TRAPPC8: variants seen among roughly 807,000 people sequenced by gnomAD.
The protein encoded by TRAPPC8 is trafficking protein particle complex subunit 8.
A neutral mutation model predicts 174.3 loss-of-function variants in TRAPPC8; 54 were observed. That is an observed-to-expected ratio of 0.31 (90% CI 0.25 to 0.39). The LOEUF is 0.39. Among genes scored for constraint, TRAPPC8 ranks in the 10% least tolerant of loss-of-function variants. The pLI, the probability that TRAPPC8 is intolerant of heterozygous loss-of-function variation, is 1.00. For missense variants in TRAPPC8, 1,531 were observed against 1,699.1 expected, an observed-to-expected ratio of 0.90 and a Z score of 1.74; for synonymous variants, 630 against 579.9, an observed-to-expected ratio of 1.09 and a Z score of -1.24.
chr18:31,864,851 T>G (rs955229314), intron 18 of TRAPPC8, 70 bp from the exon 19 acceptor site: 1 of 1,278,430 alleles, frequency 7.8e-7, no homozygotes, highest in Non-Finnish European at 1.1e-6. Flanking sequence ...AACTTGAATA[T>G]GTGAATATTG....
Position 31,908,881 on chromosome 18 carries a change from GTAT to G in TRAPPC8, c.992_994del (p.Asn331del). The G allele has an allele frequency of 6.2e-7, 1 of 1,613,758 alleles. No homozygotes were observed. The highest frequency in any genetic ancestry group is 1.3e-5 in the African/African-American group (1 of 74,998). ...TAAACATGCACCATGAATTATTCCA[GTAT>G]TTCCTTTCTTTGTTTCATGTAACGA... On this transcript the variant is annotated inframe_deletion, in exon 7 of 29. Transcript: ENST00000283351.
intron 16 of TRAPPC8, chr18:31,870,091 CAAA>C (rs35938138): frequency 1.8e-4 from 28 of 152,446 alleles, no homozygotes; most frequent in South Asian, 7.5e-4. Flanking sequence ...GACTCTGTCT[CAAA>C]AAAAAAAAAA....
At chr18:31,911,632 G>A (rs1036359320) in intron 5 of TRAPPC8, among the ~76,000 whole-genome samples, 26 of 150,832 alleles carry the variant, frequency 1.7e-4, no homozygotes, top group African/African-American at 2.4e-4. Flanking sequence ...CCAGCTACTC[G>A]GGAAGCTGAG....
At chr18:31,916,501 G>A (rs1598734948) in intron 3 of TRAPPC8, 55 bp from the exon 4 acceptor site, 1 of 1,469,294 alleles carries the variant, frequency 6.8e-7, no homozygotes, top group Non-Finnish European at 9.1e-7. Flanking sequence ...GATAAATATT[G>A]TCCTACTGAG....
chr18:31,906,130 A>G (rs537505854), intron 9 of TRAPPC8, among the ~76,000 whole-genome samples: 2 of 151,496 alleles, frequency 1.3e-5, no homozygotes, highest in Admixed American at 6.6e-5. Context: ...GGAATTCGAG[A>G]CCAGCCTGGG....
chr18:31,870,180 G>A, intron 16 of TRAPPC8, 192 bp downstream of exon 16: 1 of 401,234 alleles, frequency 2.5e-6, no homozygotes, highest in South Asian at 8.0e-5. Flanking sequence ...AAGACAGATG[G>A]TTTCACTTCT....
chr18:31,902,815 C>T (rs111563713), intron 9 of TRAPPC8, among the ~76,000 whole-genome samples: 4,566 of 151,986 alleles, frequency 0.03, 243 homozygotes, highest in African/African-American at 0.1. Flanking sequence ...TTTGGGAGGC[C>T]GAGGCGGGCG....
chr18:31,885,871 A>T (rs1313055599), intron 12 of TRAPPC8, among the ~76,000 whole-genome samples: 1 of 151,862 alleles, frequency 6.6e-6, no homozygotes, highest in Admixed American at 6.6e-5. Flanking sequence ...AAAAAAACGA[A>T]AAATAAGAAA....
chr18:31,908,465 T>C, intron 7 of TRAPPC8, 47 bp from the exon 8 acceptor site: 1 of 1,309,966 alleles, frequency 7.6e-7, no homozygotes, highest in Non-Finnish European at 1.0e-6. Flanking sequence ...AATTTAGTAT[T>C]TTTCCTTTAC....
chr18:31,833,885 CCA>C (rs1255999132), intron 27 of TRAPPC8, among the ~76,000 whole-genome samples: 5 of 151,128 alleles, frequency 3.3e-5, no homozygotes, highest in Non-Finnish European at 7.4e-5. Flanking sequence ...GCCTATAGTC[CCA>C]GTTACTCGGG....
chr18:31,870,186 C>A, intron 16 of TRAPPC8, 186 bp downstream of exon 16: 1 of 439,018 alleles, frequency 2.3e-6, no homozygotes, highest in Non-Finnish European at 4.0e-6. Context: ...GATGGTTTCA[C>A]TTCTATTCCT....
chr18:31,900,160 GGAA>G (rs1344378413), intron 10 of TRAPPC8, among the ~76,000 whole-genome samples: 3 of 152,114 alleles, frequency 2.0e-5, no homozygotes, highest in African/African-American at 7.2e-5. Context: ...CTCAAACCCA[GGAA>G]GAAGAGGTTA....
At chr18:31,856,605 C>T (rs755877181) in intron 20 of TRAPPC8, among the ~76,000 whole-genome samples, 54 of 152,188 alleles carry the variant, frequency 3.5e-4, no homozygotes, top group Middle Eastern at 6.8e-3. Flanking sequence ...CAAAACTCCT[C>T]ACCATATATA....
chr18:31,863,894 T>C (rs1311175740), intron 19 of TRAPPC8, among the ~76,000 whole-genome samples: 2 of 151,948 alleles, frequency 1.3e-5, no homozygotes, highest in African/African-American at 4.8e-5. Flanking sequence ...AGCAATGCTT[T>C]CTAGAGGCTT....
At chr18:31,938,253 T>G (rs1043217512) in intron 1 of TRAPPC8, among the ~76,000 whole-genome samples, 2 of 152,066 alleles carry the variant, frequency 1.3e-5, no homozygotes, top group Admixed American at 1.3e-4. Flanking sequence ...TGGAAATTCT[T>G]TGAGTATTAG....
At chr18:31,904,562 C>T (rs887896245) in intron 9 of TRAPPC8, among the ~76,000 whole-genome samples, 2 of 152,156 alleles carry the variant, frequency 1.3e-5, no homozygotes, top group Non-Finnish European at 2.9e-5. Context: ...GATTTGAGAA[C>T]TGAAATATGA....
At chr18:31,867,026 A>C in intron 17 of TRAPPC8, 51 bp from the exon 18 acceptor site, 1 of 1,582,272 alleles carries the variant, frequency 6.3e-7, no homozygotes, top group Non-Finnish European at 8.6e-7. Flanking sequence ...TATCTTAAAT[A>C]GCACAATACC....
At chr18:31,886,882 G>A (rs953108733) in intron 12 of TRAPPC8, among the ~76,000 whole-genome samples, 2 of 152,102 alleles carry the variant, frequency 1.3e-5, no homozygotes, top group African/African-American at 2.4e-5. Context: ...TCAGGAGGCC[G>A]AGGCAGGAGA....
chr18:31,850,274 C>G (rs952673625), intron 24 of TRAPPC8, among the ~76,000 whole-genome samples: 1 of 152,060 alleles, frequency 6.6e-6, no homozygotes, highest in South Asian at 2.1e-4. Flanking sequence ...AATCTTAAAG[C>G]CGTCACCCCA....
Sources: gnomAD v4.1 joint callset for allele counts (sites outside exome capture counted in the v4.1 genomes callset) on GRCh38, gnomAD v4.1.1 for gene constraint, MANE v1.5 for transcripts, NCBI Gene and HGNC (gene_info 2026-07-23, HGNC 2026-07-21) for gene names.